Variants in FGF14 observed in about 807,000 individuals in gnomAD.
The protein encoded by FGF14 is fibroblast growth factor homologous factor 4.
A neutral mutation model predicts 25.5 loss-of-function variants in FGF14; 5 were observed. The ratio of observed to expected loss-of-function variants is 0.20; its 90% CI spans 0.10 to 0.41. FGF14 has a LOEUF of 0.41. FGF14 is among the 10% of genes least tolerant of loss of function. The probability of loss-of-function intolerance (pLI) is 1.00; values close to 1 mark genes in which losing one functional copy is unlikely to be tolerated. For missense variants in FGF14, 222 were observed against 320.1 expected (o/e 0.69, Z 2.34); for synonymous variants, 138 against 118.3 (o/e 1.17, Z -1.08).
intron 1 of FGF14, among the ~76,000 whole-genome samples, chr13:101,987,537 C>T (rs975431731): frequency 2.3e-4 from 35 of 152,068 alleles, no homozygotes; most frequent in African/African-American, 8.4e-4. Context: ...CTTAATTTTA[C>T]AAATTTATCT....
intron 3 of FGF14, among the ~76,000 whole-genome samples, chr13:101,748,013 T>C (rs2037000529): frequency 6.6e-6 from 1 of 152,014 alleles, no homozygotes; most frequent in African/African-American, 2.4e-5. Flanking sequence ...TACACATTGT[T>C]GGTGGGGATT....
At chr13:102,278,865 C>T (rs142053712) in intron 1 of FGF14, among the ~76,000 whole-genome samples, 15 of 152,012 alleles carry the variant, frequency 9.9e-5, no homozygotes, top group African/African-American at 3.4e-4. Context: ...AAACACAGAG[C>T]GCATTTTGAG....
chr13:101,806,626 A>G (rs2041220938), intron 3 of FGF14, among the ~76,000 whole-genome samples: 1 of 152,156 alleles, frequency 6.6e-6, no homozygotes, highest in Non-Finnish European at 1.5e-5. Context: ...CTTTAAAATA[A>G]TCTAGTTTAA....
intron 1 of FGF14, among the ~76,000 whole-genome samples, chr13:102,061,349 G>A (rs1053698777): frequency 5.9e-5 from 9 of 152,166 alleles, no homozygotes; most frequent in African/African-American, 2.2e-4. Flanking sequence ...TCTAGATGCC[G>A]CCGTGGGGCA....
chr13:102,308,025 C>G (rs566802691), intron 1 of FGF14, among the ~76,000 whole-genome samples: 1 of 152,292 alleles, frequency 6.6e-6, no homozygotes, highest in African/African-American at 2.4e-5. Context: ...GAACTGACCT[C>G]AGAACAGGCC....
At chr13:102,114,173 T>C (rs1235031379) in intron 1 of FGF14, among the ~76,000 whole-genome samples, 2 of 152,256 alleles carry the variant, frequency 1.3e-5, no homozygotes, top group Non-Finnish European at 2.9e-5. Context: ...TTAGTGACAT[T>C]GGGCATTTTA....
chr13:101,726,202 C>T (rs2035416213), intron 4 of FGF14, among the ~76,000 whole-genome samples: 2 of 151,978 alleles, frequency 1.3e-5, no homozygotes, highest in Non-Finnish European at 2.9e-5. Flanking sequence ...ATGGAAAATA[C>T]TTTTGATTCC....
At chr13:102,189,039 AAAGAGAAAGAATGAAAG>A (rs2049015789) in intron 1 of FGF14, among the ~76,000 whole-genome samples, 4 of 74,920 alleles carry the variant, frequency 5.3e-5, no homozygotes, top group Admixed American at 1.4e-4. Flanking sequence ...AGAAAGAAAG[AAAGAGAAAGAATGAAAG>A]AAGAAAAGAA....
intron 1 of FGF14, among the ~76,000 whole-genome samples, chr13:102,351,756 G>C (rs566995468): frequency 5.9e-4 from 90 of 152,378 alleles, no homozygotes; most frequent in African/African-American, 2.1e-3. Context: ...GGATGTGACA[G>C]CTGGCTGGCC....
chr13:102,384,949 T>C (rs761947975), intron 1 of FGF14, among the ~76,000 whole-genome samples: 18 of 151,972 alleles, frequency 1.2e-4, no homozygotes, highest in Non-Finnish European at 2.4e-4. Context: ...TTTTGTTCTT[T>C]TACATAAAAG....
chr13:101,915,573 C>T (rs1170736757), intron 1 of FGF14, among the ~76,000 whole-genome samples: 2 of 152,124 alleles, frequency 1.3e-5, no homozygotes, highest in Non-Finnish European at 1.5e-5. Flanking sequence ...ACAAAAGCGC[C>T]TGGCTCCTGA....
intron 1 of FGF14, among the ~76,000 whole-genome samples, chr13:101,995,198 T>C (rs1045773732): frequency 6.6e-6 from 1 of 152,136 alleles, no homozygotes; most frequent in Non-Finnish European, 1.5e-5. Flanking sequence ...AGTCTCATTT[T>C]TGTTGTTGTT....
intron 1 of FGF14, among the ~76,000 whole-genome samples, chr13:101,880,872 A>G (rs1228378131): frequency 6.6e-6 from 1 of 152,194 alleles, no homozygotes; most frequent in Non-Finnish European, 1.5e-5. Flanking sequence ...ATATCTATAA[A>G]TGGTTTTTGA....
At chr13:101,957,248 G>A (rs1036299432) in intron 1 of FGF14, among the ~76,000 whole-genome samples, 4 of 151,970 alleles carry the variant, frequency 2.6e-5, no homozygotes, top group South Asian at 2.1e-4. Flanking sequence ...TCCAAACTTC[G>A]GTGTGTTTCT....
intron 1 of FGF14, among the ~76,000 whole-genome samples, chr13:101,879,303 G>C (rs1272929027): frequency 6.6e-6 from 1 of 152,062 alleles, no homozygotes; most frequent in African/African-American, 2.4e-5. Context: ...TGCTAACAAT[G>C]ATCTGTGATA....
intron 3 of FGF14, among the ~76,000 whole-genome samples, chr13:101,810,174 T>C (rs1345976222): frequency 5.3e-5 from 8 of 152,188 alleles, no homozygotes; most frequent in African/African-American, 1.7e-4. Context: ...GGGTGGGCCA[T>C]GTTCATTAAG....
At chr13:101,895,698 C>A (rs1198003695) in intron 1 of FGF14, among the ~76,000 whole-genome samples, 4 of 152,114 alleles carry the variant, frequency 2.6e-5, no homozygotes, top group Non-Finnish European at 5.9e-5. Context: ...CTATACTTTG[C>A]ATTAGGAAGT....
Position 102,009,872 on chromosome 13 carries a change from AG to A in FGF14, c.209-134577del, listed in dbSNP as rs1262232835. Among the ~76,000 whole-genome samples, 11 of 152,318 alleles carry A rather than the reference AG, an allele frequency of 7.2e-5. No homozygotes were observed. The East Asian group carries it at 2.1e-3, about 29-fold the overall frequency. On this transcript the variant is annotated intron_variant, in intron 1 of 4. Coordinates refer to the FGF14 transcript ENST00000376131. The stretch of plus-strand genomic sequence containing the variant: ...ATGTTTTAGAAATATAGAGGTTATT[AG>A]TGAAGCCTTCCAAAGCCATACAAAG...
rs79240037 is a variant in FGF14, at chr13:102,119,866, G to C, written c.209-244570C>G. Among the ~76,000 whole-genome samples, 700 of 152,230 alleles carry C rather than the reference G, an allele frequency of 4.6e-3. 6 individuals are homozygous for C. The highest frequency in any genetic ancestry group is 0.016 in the African/African-American group (646 of 41,546). On this transcript the variant is annotated intron_variant, in intron 1 of 4. Coordinates refer to the FGF14 transcript ENST00000376131. ...ACAAAAATCAGAAAAAGTACAGAGA[G>C]CAGGATCCACCCAGAGAGATTCAGA...
Sources: allele counts gnomAD v4.1 joint callset (sites outside exome capture counted in the v4.1 genomes callset), GRCh38; gene constraint gnomAD v4.1.1; transcripts MANE v1.5; gene names NCBI Gene and HGNC (gene_info 2026-07-23, HGNC 2026-07-21).